PCDHA3: variants seen among roughly 807,000 people sequenced by gnomAD.
PCDHA3 encodes the protein protocadherin alpha 3.
PCDHA3 carries 41 observed loss-of-function variants against 62.2 expected under a neutral mutation model. The observed-to-expected ratio is 0.66, with a 90% CI of 0.51 to 0.86. PCDHA3 has a LOEUF of 0.86. PCDHA3 is among the 40% of genes least tolerant of loss of function. The pLI is 0.00. For synonymous variants in PCDHA3, 640 were observed against 555.4 expected (o/e 1.15, Z -2.14); for missense variants, 1,304 against 1,241.2 (o/e 1.05, Z -0.76).
At chr5:140,825,174 A>G (rs1768469302) in intron 1 of PCDHA3, 1 of 151,548 alleles carries the variant, frequency 6.6e-6, no homozygotes, top group Non-Finnish European at 1.5e-5. Flanking sequence ...TTCATTTACT[A>G]ATGTATCTTG....
chr5:140,863,400 G>A, intron 1 of PCDHA3: 2 of 854,178 alleles, frequency 2.3e-6, no homozygotes, highest in Admixed American at 1.9e-5. Flanking sequence ...TGCCGGGCAA[G>A]CCCACGCTGG....
chr5:140,882,705 G>T, intron 1 of PCDHA3: 1 of 1,614,172 alleles, frequency 6.2e-7, no homozygotes, highest in South Asian at 1.1e-5. Flanking sequence ...GCAGAATCTA[G>T]ACCTCCGGAA....
intron 1 of PCDHA3, chr5:140,824,314 T>C (rs986796925): frequency 2.7e-6 from 2 of 754,632 alleles, no homozygotes; most frequent in Non-Finnish European, 4.4e-6. Context: ...AATAGATTCA[T>C]CAGCTTTCTG....
At chr5:140,916,323 C>G (rs1035282237) in intron 1 of PCDHA3, among the ~76,000 whole-genome samples, 2 of 152,210 alleles carry the variant, frequency 1.3e-5, no homozygotes. Flanking sequence ...ACAAAGTCCC[C>G]TTTACTTTTT....
At chr5:140,864,746 A>G (rs989903827) in intron 1 of PCDHA3, 1 of 152,144 alleles carries the variant, frequency 6.6e-6, no homozygotes, top group Admixed American at 6.5e-5. Context: ...AGCACCGATT[A>G]TACTCATTTT....
chr5:140,875,918 A>T, intron 1 of PCDHA3: 1 of 1,613,782 alleles, frequency 6.2e-7, no homozygotes, highest in Non-Finnish European at 8.5e-7. Flanking sequence ...GCGCCTCTGG[A>T]CTCTCATTTT....
At chr5:140,911,271 C>G (rs2075400243) in intron 1 of PCDHA3, among the ~76,000 whole-genome samples, 1 of 152,072 alleles carries the variant, frequency 6.6e-6, no homozygotes, top group Non-Finnish European at 1.5e-5. Flanking sequence ...TCTCAGTGTC[C>G]CCAGCTTCAT....
intron 1 of PCDHA3, chr5:140,877,685 C>G (rs377753884): frequency 5.0e-6 from 8 of 1,613,628 alleles, no homozygotes; most frequent in African/African-American, 2.7e-5. Flanking sequence ...GGCAAGCCCA[C>G]GCTGGTGTGC....
At chr5:140,835,389 G>T (rs2150234834) in intron 1 of PCDHA3, 2 of 1,613,958 alleles carry the variant, frequency 1.2e-6, no homozygotes, top group Admixed American at 1.7e-5. Context: ...TCATTGTACA[G>T]TTCTTGTGGA....
chr5:140,858,632 C>CT, intron 1 of PCDHA3: 1 of 1,018,812 alleles, frequency 9.8e-7, no homozygotes, highest in Non-Finnish European at 1.4e-6. Context: ...GTGTGTCAGC[C>CT]TTTGATTGGT....
At chr5:140,827,495 A>G (rs1769309014) in intron 1 of PCDHA3, among the ~76,000 whole-genome samples, 1 of 152,240 alleles carries the variant, frequency 6.6e-6, no homozygotes, top group Admixed American at 6.5e-5. Flanking sequence ...CATGGACTTC[A>G]ATAATCTATA....
At chr5:140,925,854 G>C (rs1333353083) in intron 1 of PCDHA3, among the ~76,000 whole-genome samples, 1 of 152,014 alleles carries the variant, frequency 6.6e-6, no homozygotes, top group African/African-American at 2.4e-5. Flanking sequence ...TGAGTTTCTA[G>C]TTATTGCTAT....
intron 1 of PCDHA3, chr5:140,841,516 G>T: frequency 6.2e-7 from 1 of 1,612,986 alleles, no homozygotes; most frequent in South Asian, 1.1e-5. Flanking sequence ...GCCTGTTCCG[G>T]GTGGCGTCCA....
In PCDHA3 at chr5:140,857,821, T is replaced by G. The variant is rs782136833; in HGVS notation, c.2394+54230T>G. On this transcript the variant is annotated intron_variant, in intron 1 of 3. Transcript: ENST00000522353. The stretch of plus-strand genomic sequence containing the variant: ...CGGTGGTTGCGGGTCACGTGGTGGC[T>G]AAGGTGCGCGCAGTGGACGCTGACT... 1.3e-5 allele frequency: 21 copies of G among 1,597,530 alleles called. 3 individuals carry two copies. Among genetic ancestry groups the G allele is most frequent in the East Asian group, 2.2e-5 (1 of 44,830 alleles).
chr5:140,992,676 G>A (rs2097524186), intron 3 of PCDHA3, among the ~76,000 whole-genome samples: 1 of 152,146 alleles, frequency 6.6e-6, no homozygotes, highest in African/African-American at 2.4e-5. Flanking sequence ...GTATGTGTGT[G>A]TTAGGGGTTG....
In PCDHA3 at chr5:140,980,214, C is replaced by T. The variant is rs2096880494; in HGVS notation, c.2453+1207C>T. 2.0e-5 allele frequency among the ~76,000 whole-genome samples: 3 copies of T among 152,212 alleles called. No homozygotes were observed. The South Asian group carries it at 6.2e-4, about 31-fold the overall frequency. The stretch of plus-strand genomic sequence containing the variant: ...ATTAGAGACCAACTTGTGCTTTTGC[C>T]TGCATCTGAGCTGTTGGTGGAGACA... On this transcript the variant is annotated intron_variant, in intron 2 of 3. Transcript: ENST00000522353.
intron 3 of PCDHA3, among the ~76,000 whole-genome samples, chr5:140,986,030 C>T (rs1190318789): frequency 2.6e-5 from 4 of 152,174 alleles, no homozygotes; most frequent in Non-Finnish European, 2.9e-5. Flanking sequence ...TGAGCCACTG[C>T]GCCTGGCCTC....
intron 1 of PCDHA3, chr5:140,969,073 G>T (rs781937942): frequency 2.5e-6 from 4 of 1,614,092 alleles, no homozygotes; most frequent in South Asian, 2.2e-5. Flanking sequence ...CCAGGATACC[G>T]CATGGCCTCA....
intron 1 of PCDHA3, chr5:140,883,536 T>C (rs1178559999): frequency 8.7e-6 from 14 of 1,614,202 alleles, no homozygotes; most frequent in Non-Finnish European, 1.2e-5. Flanking sequence ...GCCTATGAAC[T>C]GGTGGTGACC....
Sources: allele counts gnomAD v4.1 joint callset (sites outside exome capture counted in the v4.1 genomes callset), GRCh38; gene constraint gnomAD v4.1.1; transcripts MANE v1.5; gene names NCBI Gene and HGNC (gene_info 2026-07-23, HGNC 2026-07-21).